The following THSD4 variants were observed in gnomAD, a reference collection of about 807,000 sequenced individuals.
THSD4 encodes thrombospondin type-1 domain-containing protein 4.
A neutral mutation model predicts 119.0 loss-of-function variants in THSD4; 69 were observed. The observed-to-expected ratio is 0.58, with a 90% CI of 0.48 to 0.71. The LOEUF (loss-of-function observed/expected upper bound fraction) is 0.71, where lower values mean the gene tolerates loss of function less well. Ranked by LOEUF, THSD4 falls within the 30% of genes least tolerant of loss-of-function variation. The pLI is 0.00. For missense variants in THSD4, 1,393 were observed against 1,391.1 expected (o/e 1.00, Z -0.02); for synonymous variants, 524 against 540.4 (o/e 0.97, Z 0.42).
chr15:71,320,864 T>C (rs1261450433), intron 6 of THSD4, among the ~76,000 whole-genome samples: 2 of 152,204 alleles, frequency 1.3e-5, no homozygotes, highest in African/African-American at 2.4e-5. Context: ...AGTTCTCAAA[T>C]TGAGCTAGTC....
At chr15:71,387,659 C>T (rs993374703) in intron 6 of THSD4, among the ~76,000 whole-genome samples, 4 of 152,078 alleles carry the variant, frequency 2.6e-5, no homozygotes, top group Non-Finnish European at 4.4e-5. Context: ...ACTTTCATCC[C>T]GAACTTGCTT....
At chr15:71,391,401 C>T (rs1259069576) in intron 6 of THSD4, among the ~76,000 whole-genome samples, 1 of 152,142 alleles carries the variant, frequency 6.6e-6, no homozygotes, top group Admixed American at 6.5e-5. Context: ...TGGTCTTGAG[C>T]TGCAAGCCTC....
intron 6 of THSD4, among the ~76,000 whole-genome samples, chr15:71,354,582 A>C (rs2045784410): frequency 6.6e-6 from 1 of 152,194 alleles, no homozygotes; most frequent in Admixed American, 6.5e-5. Context: ...GTGCCAAACA[A>C]AGCCATTGAA....
rs146202431 is a variant in THSD4, at chr15:71,768,276, C to CCAAAAAAAAAAA, written c.2770-2778_2770-2777insAACAAAAAAAAA. On this transcript the variant is annotated intron_variant, in intron 16 of 17. Coordinates refer to ENST00000261862, the MANE Select transcript of THSD4 (RefSeq NM_024817.3). ...CCCGGAAGTAGTCTCACAAAAAAAACCAAAAAAAAACCCTGCACCTGTTAA... is the reference window on the plus strand; with the variant it reads ...CCCGGAAGTAGTCTCACAAAAAAAACCAAAAAAAAAAACAAAAAAAAACCCTGCACCTGTTAA... Among the ~76,000 whole-genome samples, 494 of 150,128 alleles carry CCAAAAAAAAAAA rather than the reference C, an allele frequency of 3.3e-3. 4 individuals carry two copies. Among genetic ancestry groups the CCAAAAAAAAAAA allele is most frequent in the Middle Eastern group, 0.014 (4 of 288 alleles).
intron 6 of THSD4, among the ~76,000 whole-genome samples, chr15:71,298,294 A>G (rs939152019): frequency 1.3e-5 from 2 of 152,136 alleles, no homozygotes; most frequent in African/African-American, 4.8e-5. Flanking sequence ...TCATTAATCT[A>G]TATGTCTGAC....
At chr15:71,155,079 C>A (rs894907472) in intron 3 of THSD4, 147 bp downstream of exon 3, 2 of 736,924 alleles carry the variant, frequency 2.7e-6, no homozygotes, top group Non-Finnish European at 4.6e-6. Flanking sequence ...GTGTACTATT[C>A]TGTTCTCACA....
rs556233744 is a variant in THSD4, at chr15:71,384,674, G to A, written c.1016-27013G>A. ...GCATCTGCACATCAATAGGCTTCCC[G>A]GGTGAGCCTAGTTCTGGAGCCCACA... On this transcript the variant is annotated intron_variant, in intron 6 of 17. Transcript: ENST00000261862. Among the ~76,000 whole-genome samples the A allele has an allele frequency of 4.6e-5, 7 of 152,194 alleles. No homozygotes were observed. The East Asian group carries it at 7.7e-4, about 17-fold the overall frequency.
intron 7 of THSD4, among the ~76,000 whole-genome samples, chr15:71,650,890 C>T (rs555799870): frequency 1.3e-5 from 2 of 152,330 alleles, no homozygotes; most frequent in African/African-American, 2.4e-5. Context: ...AAGAACCTTA[C>T]ACTTACTAGT....
chr15:71,370,897 T>C (rs1210077090), intron 6 of THSD4, among the ~76,000 whole-genome samples: 1 of 152,202 alleles, frequency 6.6e-6, no homozygotes, highest in Admixed American at 6.5e-5. Context: ...TCTCCCATTA[T>C]TATTGTGTGG....
chr15:71,674,015 T>TA lies in THSD4; in HGVS notation c.1357+13282dup, dbSNP rs564457873. Among the ~76,000 whole-genome samples, 1,209 of 152,256 alleles carry TA rather than the reference T, an allele frequency of 7.9e-3. 6 individuals are homozygous for TA. Among genetic ancestry groups the TA allele is most frequent in the Non-Finnish European group, 0.013 (852 of 68,018 alleles). On this transcript the variant is annotated intron_variant, in intron 8 of 17. Transcript: ENST00000261862. ...TTTTGCACCCAACTGTCTGTCGGAG[T>TA]AGTTGCCTCTTCCCAGAAGAACAAA...
intron 7 of THSD4, among the ~76,000 whole-genome samples, chr15:71,482,457 A>C (rs1039989427): frequency 1.3e-5 from 2 of 151,654 alleles, no homozygotes; most frequent in Admixed American, 1.3e-4. Flanking sequence ...CACCCAGCTA[A>C]TTTTTTGTAT....
intron 6 of THSD4, among the ~76,000 whole-genome samples, chr15:71,317,536 C>A (rs1268271689): frequency 1.3e-5 from 2 of 152,186 alleles, no homozygotes; most frequent in Non-Finnish European, 2.9e-5. Context: ...AGGGGAAAAA[C>A]ACACCCCCAT....
chr15:71,581,580 C>A (rs931764960), intron 7 of THSD4, among the ~76,000 whole-genome samples: 1 of 151,914 alleles, frequency 6.6e-6, no homozygotes, highest in Non-Finnish European at 1.5e-5. Context: ...GCCTGTGCAA[C>A]AAAAAAATAT....
chr15:71,752,293 C>T (rs1472316705), intron 14 of THSD4, among the ~76,000 whole-genome samples: 1 of 152,228 alleles, frequency 6.6e-6, no homozygotes, highest in African/African-American at 2.4e-5. Context: ...TATTTCCTCT[C>T]CAATAATGAC....
intron 3 of THSD4, among the ~76,000 whole-genome samples, chr15:71,181,955 A>G (rs2141424253): frequency 6.6e-6 from 1 of 152,350 alleles, no homozygotes; most frequent in African/African-American, 2.4e-5. Flanking sequence ...CTTGGGTCAC[A>G]GATTCTGTTT....
At chr15:71,104,059 C>G (rs1320101220) in intron 1 of THSD4, among the ~76,000 whole-genome samples, 2 of 152,164 alleles carry the variant, frequency 1.3e-5, no homozygotes, top group Admixed American at 1.3e-4. Flanking sequence ...TCCATTCTGT[C>G]CAGGATTTAT....
chr15:71,771,273 G>A (rs1459327231), intron 17 of THSD4, 65 bp downstream of exon 17: 1 of 1,587,968 alleles, frequency 6.3e-7, no homozygotes, highest in Non-Finnish European at 8.6e-7. Context: ...ATTCTCCGGT[G>A]TGACAATAAC....
chr15:71,306,140 T>C (rs1374854108), intron 6 of THSD4, among the ~76,000 whole-genome samples: 7 of 151,848 alleles, frequency 4.6e-5, no homozygotes, highest in African/African-American at 1.7e-4. Flanking sequence ...ACCTCTTCTC[T>C]ACTAAAAATG....
chr15:71,699,901 C>T (rs564589871), intron 8 of THSD4, among the ~76,000 whole-genome samples: 1 of 152,026 alleles, frequency 6.6e-6, no homozygotes, highest in South Asian at 2.1e-4. Context: ...TGAAAAATTA[C>T]TTGATAATAT....
Sources: gnomAD v4.1 joint callset for allele counts (sites outside exome capture counted in the v4.1 genomes callset) on GRCh38, gnomAD v4.1.1 for gene constraint, MANE v1.5 for transcripts, NCBI Gene and HGNC (gene_info 2026-07-23, HGNC 2026-07-21) for gene names.